NREP: variants seen among roughly 807,000 people sequenced by gnomAD.
The protein encoded by NREP is neuronal regeneration-related protein.
NREP carries 5 observed loss-of-function variants against 8.6 expected under a neutral mutation model. The ratio of observed to expected loss-of-function variants is 0.58; its 90% CI spans 0.30 to 1.22. The LOEUF (loss-of-function observed/expected upper bound fraction) is 1.22, where lower values mean the gene tolerates loss of function less well. NREP is among the 50% of genes most tolerant of loss of function. The pLI is 0.07. For synonymous variants in NREP, 27 were observed against 28.0 expected (o/e 0.96, Z 0.11); for missense variants, 86 against 82.5 (o/e 1.04, Z -0.17).
chr5:111,841,007 A>C (rs1489530316), intron 2 of NREP, among the ~76,000 whole-genome samples: 1 of 126,258 alleles, frequency 7.9e-6, no homozygotes, highest in African/African-American at 3.0e-5. Context: ...TGTGTGCTTA[A>C]GTTTGTTTCT....
chr5:111,870,204 C>T lies in NREP; in HGVS notation c.135+105070G>A, dbSNP rs569691718. 1.1e-4 allele frequency among the ~76,000 whole-genome samples: 16 copies of T among 152,258 alleles called. No individual in the cohort carries two copies. In the South Asian group the frequency reaches 3.1e-3, roughly 30 times the overall value. On this transcript the variant is annotated intron_variant, in intron 2 of 3. Transcript: ENST00000395634. ...CAGCACTTTGGGAGGCTGAGGCAGG[C>T]AGATCCCTTGAGGTCAGGAGTTTGA...
At chr5:111,733,013 C>T (rs867224511) in intron 3 of NREP, 70 of 152,224 alleles carry the variant, frequency 4.6e-4, no homozygotes, top group African/African-American at 1.7e-3. Flanking sequence ...ATGAAACATA[C>T]ACAACAAAAC....
intron 2 of NREP, among the ~76,000 whole-genome samples, chr5:111,794,786 G>A (rs139611791): frequency 1.6e-4 from 24 of 152,256 alleles, no homozygotes; most frequent in Non-Finnish European, 3.1e-4. Context: ...TATATCCGTA[G>A]AATGTGCAGC....
chr5:111,965,793 T>C (rs748572645), intron 2 of NREP, among the ~76,000 whole-genome samples: 8 of 152,162 alleles, frequency 5.3e-5, no homozygotes, highest in Non-Finnish European at 1.2e-4. Flanking sequence ...ACCTCATAAA[T>C]GTGTATGTAT....
intron 2 of NREP, among the ~76,000 whole-genome samples, chr5:111,919,863 A>AAGAGAGAG (rs879712147): frequency 1.9e-3 from 187 of 97,768 alleles, no homozygotes; most frequent in African/African-American, 7.7e-3. Flanking sequence ...CCAGAACTTG[A>AAGAGAGAG]AGAGAGAGAA....
chr5:111,808,658 C>A (rs767238437), intron 2 of NREP, among the ~76,000 whole-genome samples: 26 of 152,194 alleles, frequency 1.7e-4, no homozygotes, highest in Admixed American at 2.6e-4. Context: ...CTACTTAGCT[C>A]ATAGGACTCA....
chr5:111,815,766 G>A (rs1001543481), intron 2 of NREP, among the ~76,000 whole-genome samples: 3 of 151,994 alleles, frequency 2.0e-5, no homozygotes, highest in South Asian at 2.1e-4. Flanking sequence ...TCCAAAAAAC[G>A]CCATGTAAGA....
chr5:111,816,641 T>C (rs1752391271), intron 2 of NREP, among the ~76,000 whole-genome samples: 1 of 149,660 alleles, frequency 6.7e-6, no homozygotes, highest in South Asian at 2.1e-4. Context: ...ACTAAGGGCA[T>C]AATAGAACAC....
chr5:111,939,649 G>A (rs151111928), intron 2 of NREP, among the ~76,000 whole-genome samples: 8 of 152,118 alleles, frequency 5.3e-5, no homozygotes, highest in Non-Finnish European at 7.4e-5. Flanking sequence ...AGCTCTTACC[G>A]TAAACAAGTG....
intron 2 of NREP, among the ~76,000 whole-genome samples, chr5:111,792,991 A>G (rs1270675111): frequency 6.6e-6 from 1 of 152,174 alleles, no homozygotes; most frequent in Non-Finnish European, 1.5e-5. Context: ...TATGCAAAGG[A>G]TACAGATGGG....
chr5:111,872,515 G>T (rs78731667), intron 2 of NREP, among the ~76,000 whole-genome samples: 7,660 of 152,144 alleles, frequency 0.05, 472 homozygotes, highest in East Asian at 0.23. Context: ...CTATATTCAA[G>T]CTTGATCTTT....
chr5:111,907,620 C>A (rs1285773900), intron 2 of NREP, among the ~76,000 whole-genome samples: 1 of 152,026 alleles, frequency 6.6e-6, no homozygotes, highest in Non-Finnish European at 1.5e-5. Flanking sequence ...GTTAAATGCC[C>A]TTAATAATAG....
chr5:111,795,932 T>C (rs1403385490), intron 2 of NREP, among the ~76,000 whole-genome samples: 2 of 152,358 alleles, frequency 1.3e-5, no homozygotes, highest in South Asian at 2.1e-4. Flanking sequence ...AGCCAGGTCT[T>C]TGAACAGCAA....
intron 1 of NREP, chr5:111,756,141 G>C: frequency 9.3e-7 from 1 of 1,071,796 alleles, no homozygotes. Context: ...GATAAAAATA[G>C]ATTGTTTTCT....
chr5:111,885,102 A>C (rs1452644389), intron 2 of NREP, among the ~76,000 whole-genome samples: 1 of 152,186 alleles, frequency 6.6e-6, no homozygotes, highest in African/African-American at 2.4e-5. Flanking sequence ...AAATCTCCTT[A>C]AGCTGATAAG....
At chr5:111,842,855 G>A (rs752297715) in intron 2 of NREP, among the ~76,000 whole-genome samples, 2 of 152,142 alleles carry the variant, frequency 1.3e-5, no homozygotes, top group Non-Finnish European at 2.9e-5. Flanking sequence ...AGATATTCCT[G>A]ATTGAGTTTT....
upstream of NREP, chr5:111,757,577 G>A (rs1750808862): frequency 1.0e-6 from 1 of 984,270 alleles, no homozygotes; most frequent in Admixed American, 6.2e-5. Context: ...AGGAATCGGC[G>A]GCTCTGGGCC....
chr5:111,976,559 T>C, intron 1 of NREP: 1 of 607,834 alleles, frequency 1.6e-6, no homozygotes, highest in Middle Eastern at 4.7e-4. Flanking sequence ...AAAATATTTG[T>C]ATTCATAAAC....
chr5:111,883,088 C>A (rs200381867), intron 2 of NREP, among the ~76,000 whole-genome samples: 18 of 151,650 alleles, frequency 1.2e-4, no homozygotes, highest in African/African-American at 3.9e-4. Flanking sequence ...AGCCATCTCA[C>A]GTGCAGAGAC....
Sources: gnomAD v4.1 joint callset for allele counts (sites outside exome capture counted in the v4.1 genomes callset) on GRCh38, gnomAD v4.1.1 for gene constraint, MANE v1.5 for transcripts, NCBI Gene and HGNC (gene_info 2026-07-23, HGNC 2026-07-21) for gene names.